The following S100A5 variants were observed in gnomAD, a reference collection of about 807,000 sequenced individuals.
The protein encoded by S100A5 is protein S100-A5.
S100A5 carries 5 observed loss-of-function variants against 6.7 expected under a neutral mutation model. The ratio of observed to expected loss-of-function variants is 0.75; its 90% CI spans 0.39 to 1.57. The LOEUF (loss-of-function observed/expected upper bound fraction) is 1.57. Among genes scored for constraint, S100A5 ranks in the 40% most tolerant of loss-of-function variants. S100A5 has a pLI of 0.03. For missense variants in S100A5, 129 were observed against 110.8 expected (o/e 1.16, Z -0.74); for synonymous variants, 49 against 44.9 (o/e 1.09, Z -0.37).
intron 2 of S100A5, among the ~76,000 whole-genome samples, chr1:153,538,104 T>A (rs139021634): frequency 1.2e-3 from 175 of 151,964 alleles, no homozygotes; most frequent in African/African-American, 4.0e-3. Context: ...TCCAAGTCTC[T>A]GAGTGACTCT....
upstream of S100A5, chr1:153,543,587 C>T: frequency 1.4e-6 from 1 of 725,064 alleles, no homozygotes; most frequent in African/African-American, 1.8e-5. Context: ...AGTCCCCAAC[C>T]CACGCCCCCA....
upstream of S100A5, among the ~76,000 whole-genome samples, chr1:153,543,456 T>C (rs149985915): frequency 7.9e-4 from 120 of 152,184 alleles, no homozygotes; most frequent in Admixed American, 1.8e-3. Context: ...TGAACTCTAT[T>C]GCCTGTGCAC....
rs1378147740 is a variant in S100A5 at position 153,539,987 on chromosome 1, G to C, written c.138+67C>G. On this transcript the variant is annotated intron_variant, in intron 2 of 2. Transcript: ENST00000368717. Reference sequence around the variant, plus strand: ...TGGCTTAGGCTGGAGGATCCTGAGGGTAGGTATGTGTCCCCCAGAGGGAGT... The same window carrying C: ...TGGCTTAGGCTGGAGGATCCTGAGGCTAGGTATGTGTCCCCCAGAGGGAGT... The C allele has an allele frequency of 2.5e-6, 4 of 1,575,744 alleles. No individual in the cohort carries two copies. In the African/African-American group the frequency reaches 5.4e-5, roughly 21 times the overall value.
chr1:153,537,442 G>A lies in S100A5; in HGVS notation c.139-6C>T, dbSNP rs893717192. On this transcript the variant is annotated splice_polypyrimidine_tract_variant and splice_region_variant and intron_variant, in intron 2 of 2. Transcript: ENST00000368717. ...TCGATGCTGCTCTCCTTCATCTTTT[G>A]TGGACCCAGGTGGAGAGACAGCTCA... 6.2e-7 allele frequency: 1 copy of A among 1,613,812 alleles called. No homozygotes were observed. The highest frequency in any genetic ancestry group is 8.5e-7 in the Non-Finnish European group (1 of 1,179,884).
upstream of S100A5, chr1:153,541,761 T>C: frequency 9.0e-7 from 1 of 1,105,486 alleles, no homozygotes; most frequent in Non-Finnish European, 1.1e-6. Flanking sequence ...CTCAGAAGTG[T>C]GGGACAAACA....
chr1:153,541,237 C>G (rs1489121801), upstream of S100A5: 2 of 520,054 alleles, frequency 3.8e-6, no homozygotes, highest in Non-Finnish European at 7.0e-6. Flanking sequence ...TCAAGAAATT[C>G]CAAAGGCTCT....
chr1:153,542,007 G>A (rs995399633), upstream of S100A5: 14 of 569,322 alleles, frequency 2.5e-5, no homozygotes, highest in East Asian at 2.9e-4. Context: ...GGAAAGGCTC[G>A]TCGGAGACTC....
chr1:153,539,935 G>C (rs1182400429), intron 2 of S100A5, 119 bp downstream of exon 2: 6 of 1,195,102 alleles, frequency 5.0e-6, no homozygotes, highest in East Asian at 4.7e-5. Flanking sequence ...CTTTGTCTCT[G>C]TCTGTAGCCC....
At chr1:153,543,213 A>G, upstream of S100A5, 1 of 985,234 alleles carries the variant, frequency 1.0e-6, no homozygotes, top group South Asian at 4.7e-5. Flanking sequence ...CCTGCAACTC[A>G]GCCTTATTCT....
upstream of S100A5, chr1:153,541,561 A>T: frequency 8.0e-7 from 1 of 1,257,758 alleles, no homozygotes; most frequent in Non-Finnish European, 1.0e-6. Flanking sequence ...GGAGCTGGGG[A>T]GAAACCCCTT....
chr1:153,541,209 C>T (rs1489356673), upstream of S100A5, among the ~76,000 whole-genome samples: 1 of 152,228 alleles, frequency 6.6e-6, no homozygotes, highest in Non-Finnish European at 1.5e-5. Context: ...ACCCCCACCT[C>T]CACCCCAGAG....
Position 153,537,167 on chromosome 1 carries a change from A to T in S100A5, c.*129T>A. On this transcript the variant is annotated 3_prime_UTR_variant, in exon 3 of 3. Coordinates refer to ENST00000368717, the MANE Select transcript of S100A5 (RefSeq NM_001394232.1). Reference sequence around the variant, plus strand: ...CAGACTCCCAGCACCTGCGATGGAAACTTTATTTCCTCCCATGGAAGGGTC... The same window carrying T: ...CAGACTCCCAGCACCTGCGATGGAATCTTTATTTCCTCCCATGGAAGGGTC... 2 of 1,105,906 alleles carry T rather than the reference A, an allele frequency of 1.8e-6. No individual in the cohort carries two copies. Among genetic ancestry groups the T allele is most frequent in the East Asian group, 4.9e-5 (2 of 40,674 alleles). The allele number at this position is 1,105,906 out of a possible 1,614,324, so 68.5% of individuals were successfully genotyped here.
chr1:153,543,130 G>T, upstream of S100A5: 1 of 700,600 alleles, frequency 1.4e-6, no homozygotes, highest in Non-Finnish European at 1.8e-6. Context: ...TGGCAGGACA[G>T]GGCCTGGACT....
chr1:153,540,992 C>T (rs980930077), upstream of S100A5, among the ~76,000 whole-genome samples: 8 of 152,192 alleles, frequency 5.3e-5, no homozygotes, highest in African/African-American at 1.9e-4. Context: ...AAGGAGGCAA[C>T]ACCCACGGAA....
intron 1 of S100A5, 126 bp from the exon 2 acceptor site, chr1:153,540,331 C>A (rs766068737): frequency 3.4e-5 from 30 of 883,748 alleles, no homozygotes; most frequent in African/African-American, 3.4e-4. Flanking sequence ...AATCCACTAA[C>A]AAGAGCGCCC....
chr1:153,538,211 T>G (rs570250675), intron 2 of S100A5, among the ~76,000 whole-genome samples: 1 of 152,310 alleles, frequency 6.6e-6, no homozygotes, highest in East Asian at 1.9e-4. Flanking sequence ...ATCCCTCCCC[T>G]GCTAGGAGAG....
chr1:153,538,421 G>A (rs141675462), intron 2 of S100A5, among the ~76,000 whole-genome samples: 3 of 152,290 alleles, frequency 2.0e-5, no homozygotes, highest in East Asian at 1.9e-4. Flanking sequence ...TTACAAAGGC[G>A]GAAACTGCTT....
upstream of S100A5, chr1:153,541,558 G>A: frequency 7.9e-7 from 1 of 1,265,066 alleles, no homozygotes; most frequent in Non-Finnish European, 1.0e-6. Context: ...GATGGAGCTG[G>A]GGAGAAACCC....
At chr1:153,537,512 C>T in intron 2 of S100A5, 76 bp from the exon 3 acceptor site, 1 of 1,563,004 alleles carries the variant, frequency 6.4e-7, no homozygotes. Flanking sequence ...ATGGTGTCAT[C>T]CCCACCCCGA....
Sources: allele counts gnomAD v4.1 joint callset (sites outside exome capture counted in the v4.1 genomes callset), GRCh38; gene constraint gnomAD v4.1.1; transcripts MANE v1.5; gene names NCBI Gene and HGNC (gene_info 2026-07-23, HGNC 2026-07-21).